ELMO2: variants seen among roughly 807,000 people sequenced by gnomAD.
ELMO2 encodes the protein engulfment and cell motility protein 2.
A neutral mutation model predicts 96.2 loss-of-function variants in ELMO2; 37 were observed. The ratio of observed to expected loss-of-function variants is 0.38; its 90% confidence interval spans 0.30 to 0.51. ELMO2 has a LOEUF of 0.51. ELMO2 is among the 20% of genes least tolerant of loss of function. The pLI, the probability that ELMO2 is intolerant of heterozygous loss-of-function variation, is 0.88. For missense variants in ELMO2, 561 were observed against 912.6 expected, an observed-to-expected ratio of 0.61 and a Z score of 4.96; for synonymous variants, 315 against 329.4, an observed-to-expected ratio of 0.96 and a Z score of 0.47.
intron 6 of ELMO2, among the ~76,000 whole-genome samples, chr20:46,392,515 T>G (rs543448825): frequency 6.6e-6 from 1 of 152,336 alleles, no homozygotes; most frequent in South Asian, 2.1e-4. Flanking sequence ...ACTTAAAATC[T>G]AAACATAACA....
At chr20:46,382,279 G>T (rs769315897) in intron 10 of ELMO2, 85 of 1,289,450 alleles carry the variant, frequency 6.6e-5, no homozygotes, top group Non-Finnish European at 8.4e-5. Context: ...AGAAGCAGAC[G>T]GAATGAGCTT....
chr20:46,386,062 AAAT>A (rs754036318), intron 9 of ELMO2, 59 bp downstream of exon 9: 111 of 1,560,608 alleles, frequency 7.1e-5, no homozygotes, highest in Non-Finnish European at 8.9e-5. Context: ...GGAAGACTTA[AAAT>A]AAGAGGAGAA....
At position 46,390,590 on chromosome 20, in the gene ELMO2, T is replaced by C. The variant is rs6124792; in HGVS notation, c.244-1370A>G. On this transcript the variant is annotated intron_variant, in intron 6 of 21. Coordinates refer to ENST00000290246, the MANE Select transcript of ELMO2 (RefSeq NM_133171.5). ...TGCGGCTAAAATCCCTCCTCTAGTA[T>C]TCACTGGGCTTTCCTTCCGCTGAGC... Among the ~76,000 whole-genome samples, 1,363 of 152,382 alleles carry C rather than the reference T, an allele frequency of 8.9e-3. 33 individuals are homozygous for C. The East Asian group carries it at 0.1, about 11-fold the overall frequency.
In ELMO2 at chr20:46,375,132, C is replaced by T. The variant is rs1176557926; in HGVS notation, c.1065+104G>A. 6.2e-6 allele frequency: 9 copies of T among 1,455,732 alleles called. No individual in the cohort carries two copies. The highest frequency in any genetic ancestry group is 5.6e-5 in the African/African-American group (4 of 71,018). The allele number at this position is 1,455,732 out of a possible 1,614,324, so 90.2% of individuals were successfully genotyped here. On this transcript the variant is annotated intron_variant, in intron 13 of 21. Transcript: ENST00000290246. This position sits in a 1 kb window ranked among gnomAD's most constrained non-coding sequence, Gnocchi z 4.6. ...ACCAGCTTCCTAACTGTCATCTATTCCAGGGCCACCATGGGGTTGGTTGTC... is the reference window on the plus strand; with the variant it reads ...ACCAGCTTCCTAACTGTCATCTATTTCAGGGCCACCATGGGGTTGGTTGTC...
chr20:46,384,455 G>A (rs576342176), intron 9 of ELMO2, among the ~76,000 whole-genome samples: 1 of 152,182 alleles, frequency 6.6e-6, no homozygotes, highest in South Asian at 2.1e-4. Flanking sequence ...TATAAGTTCT[G>A]GTGACAGCTG....
chr20:46,391,860 G>A (rs917015955), intron 6 of ELMO2, among the ~76,000 whole-genome samples: 2 of 152,128 alleles, frequency 1.3e-5, no homozygotes, highest in African/African-American at 2.4e-5. Flanking sequence ...TTTTTGATTT[G>A]TGAAACACAT....
intron 2 of ELMO2, among the ~76,000 whole-genome samples, chr20:46,396,260 A>G (rs1326246596): frequency 6.6e-6 from 1 of 152,232 alleles, no homozygotes; most frequent in Non-Finnish European, 1.5e-5. Context: ...GGGTGGCGCC[A>G]TCAATCTCTG....
At chr20:46,380,177 CAAT>C (rs1172250311) in intron 11 of ELMO2, 73 bp downstream of exon 11, 3 of 1,273,314 alleles carry the variant, frequency 2.4e-6, no homozygotes, top group Non-Finnish European at 2.2e-6. Context: ...TTAATAATTT[CAAT>C]AATAATATAT....
At position 46,371,916 on chromosome 20, in the gene ELMO2, G is replaced by C. The variant is rs574674005; in HGVS notation, c.1470C>G (p.Asn490Lys). 1 of 1,614,080 alleles carries C rather than the reference G, an allele frequency of 6.2e-7. No individual in the cohort carries two copies. ...ATTTGCTCTTGAACTGATCCAAAGAGTTGGGTTTGGAGGGCAAAGCTCGAG... is the reference window on the plus strand; with the variant it reads ...ATTTGCTCTTGAACTGATCCAAAGACTTGGGTTTGGAGGGCAAAGCTCGAG... ...QITRALPSKPNSLDQFKSKLR... is the reference protein window; with the variant it reads ...QITRALPSKPKSLDQFKSKLR... Residue 490 changes from asparagine to lysine, a missense_variant, in exon 17 of 22, where the codon AAC becomes AAG. By Grantham distance (94) the Asn-to-Lys change is moderately conservative. Transcript: ENST00000290246. This position sits in a 1 kb window ranked among gnomAD's most constrained non-coding sequence, Gnocchi z 5.9.
rs953324513 is a variant in ELMO2 at position 46,369,969 on chromosome 20, T to G, written c.1884+474A>C. On this transcript the variant is annotated intron_variant, in intron 20 of 21. Coordinates refer to ENST00000290246, the MANE Select transcript of ELMO2 (RefSeq NM_133171.5). Reference sequence around the variant, plus strand: ...GACAAGATGGGTATGGGGGTGTGTGTGTGTGTGTGTGTGTGTGTGTGTGTG... The same window carrying G: ...GACAAGATGGGTATGGGGGTGTGTGGGTGTGTGTGTGTGTGTGTGTGTGTG... 9.3e-5 allele frequency: 15 copies of G among 161,184 alleles called. 1 individual carries two copies. Among genetic ancestry groups the G allele is most frequent in the South Asian group, 4.0e-4 (6 of 14,924 alleles). The allele number at this position is 161,184 out of a possible 1,614,324, so 10.0% of individuals were successfully genotyped here.
intron 7 of ELMO2, 72 bp downstream of exon 7, chr20:46,388,967 A>C: frequency 2.0e-6 from 3 of 1,502,576 alleles, no homozygotes; most frequent in Non-Finnish European, 2.7e-6. Context: ...CTCAAGGGAA[A>C]TGAGACTAGG....
At chr20:46,383,536 T>C in intron 9 of ELMO2, 42 bp from the exon 10 acceptor site, 1 of 1,526,586 alleles carries the variant, frequency 6.6e-7, no homozygotes, top group Non-Finnish European at 9.1e-7. Context: ...ATTAGAAGAC[T>C]GAACAGCAAG....
chr20:46,368,729 C>A (rs1272175246), intron 21 of ELMO2, among the ~76,000 whole-genome samples, 162 bp downstream of exon 21: 5 of 152,200 alleles, frequency 3.3e-5, no homozygotes, highest in Non-Finnish European at 7.3e-5. Flanking sequence ...TTGAGACATT[C>A]CCATCCTATT....
At chr20:46,394,572 C>T (rs1386539017) in intron 2 of ELMO2, 40 bp from the exon 3 acceptor site, 1 of 1,421,214 alleles carries the variant, frequency 7.0e-7, no homozygotes, top group Non-Finnish European at 9.9e-7. Context: ...AAGAGTATTT[C>T]TTCATTTTTC....
intron 9 of ELMO2, 85 bp downstream of exon 9, chr20:46,386,039 G>A (rs1568769566): frequency 6.8e-7 from 1 of 1,465,708 alleles, no homozygotes; most frequent in South Asian, 1.3e-5. Flanking sequence ...TATAAGCAAA[G>A]GAGAGTAGGA....
intron 1 of ELMO2, among the ~76,000 whole-genome samples, chr20:46,404,234 C>G (rs535298717): frequency 7.9e-5 from 12 of 152,344 alleles, no homozygotes; most frequent in African/African-American, 2.9e-4. Context: ...GGTCAAAGGA[C>G]TTGCCTTGCA....
rs575244707 is a variant in ELMO2, at chr20:46,366,128, C to T, written c.*1232G>A. ...GGCTGCTCTCTGGTTACAATCTTGG[C>T]TCACAACTGGAAGTGTTACATACTT... On this transcript the variant is annotated 3_prime_UTR_variant, in exon 22 of 22. Coordinates refer to ENST00000290246, the MANE Select transcript of ELMO2 (RefSeq NM_133171.5). 1 of 152,768 alleles carries T rather than the reference C, an allele frequency of 6.5e-6. No homozygotes were observed. The highest frequency in any genetic ancestry group is 2.1e-4 in the South Asian group (1 of 4,830). The allele number at this position is 152,768 out of a possible 1,614,324, so 9.5% of individuals were successfully genotyped here.
intron 16 of ELMO2, chr20:46,373,112 T>C: frequency 2.8e-6 from 1 of 352,798 alleles, no homozygotes; most frequent in African/African-American, 2.1e-5. Context: ...CCACAGTGAG[T>C]CTTCTAATGC....
intron 10 of ELMO2, 53 bp downstream of exon 10, chr20:46,383,363 G>A (rs1568766303): frequency 6.5e-7 from 1 of 1,527,806 alleles, no homozygotes; most frequent in Non-Finnish European, 9.1e-7. Context: ...TGCATGGGGT[G>A]AGAATTATCT....
Sources: allele counts gnomAD v4.1 joint callset (sites outside exome capture counted in the v4.1 genomes callset), GRCh38; gene constraint gnomAD v4.1.1; non-coding constraint Gnocchi (gnomAD v3.1); transcripts MANE v1.5; gene names NCBI Gene and HGNC (gene_info 2026-07-23, HGNC 2026-07-21).